Variants in DDX60 observed in about 807,000 individuals in gnomAD.
DDX60 encodes the protein probable ATP-dependent RNA helicase DDX60.
Under a neutral mutation model 212.8 loss-of-function variants are expected in DDX60, and 165 were observed. The observed-to-expected ratio is 0.78, with a 90% CI of 0.68 to 0.88. The LOEUF is 0.88. Among genes scored for constraint, DDX60 ranks in the 40% least tolerant of loss-of-function variants. The pLI is 0.00. For missense variants in DDX60, 1,905 were observed against 2,003.9 expected, an observed-to-expected ratio of 0.95 and a Z score of 0.94; for synonymous variants, 703 against 685.3, an observed-to-expected ratio of 1.03 and a Z score of -0.40.
At chr4:168,247,616 T>A (rs1049169518) in intron 29 of DDX60, among the ~76,000 whole-genome samples, 1 of 152,114 alleles carries the variant, frequency 6.6e-6, no homozygotes, top group South Asian at 2.1e-4. Context: ...CTGCAGGACG[T>A]GGTAGAATAA....
chr4:168,230,947 A>AT (rs1733429377), intron 33 of DDX60, among the ~76,000 whole-genome samples: 1 of 152,052 alleles, frequency 6.6e-6, no homozygotes, highest in Non-Finnish European at 1.5e-5. Flanking sequence ...TAAATAGACC[A>AT]TTAGTGAGAT....
At chr4:168,234,243 T>G (rs1368727771) in intron 33 of DDX60, among the ~76,000 whole-genome samples, 5 of 152,122 alleles carry the variant, frequency 3.3e-5, no homozygotes, top group African/African-American at 1.2e-4. Context: ...TGGTGTGTTA[T>G]CTTTAATCAG....
At position 168,255,816 on chromosome 4, in the gene DDX60, T is replaced by C. The variant is rs1734385688; in HGVS notation, c.3452A>G (p.Lys1151Arg). 6.2e-7 allele frequency: 1 copy of C among 1,608,256 alleles called. No homozygotes were observed. Among genetic ancestry groups the C allele is most frequent in the East Asian group, 2.2e-5 (1 of 44,708 alleles). ...NAAESVSTFL[K>R]KKQETKRPPK... ...AGGCCTTTTTGTCTCCTGCTTTTTC[T>C]TTAGGAAAGTGCTCACACTTTCAGC... is the stretch of plus-strand genomic sequence containing the variant. The change falls in exon 26 of 38, where the codon AAG becomes AGG. Residue 1151 changes from lysine to arginine, a missense_variant. By Grantham distance (26) the Lys-to-Arg change is conservative (BLOSUM62 2). Coordinates refer to ENST00000393743, the MANE Select transcript of DDX60 (RefSeq NM_017631.6).
intron 32 of DDX60, among the ~76,000 whole-genome samples, chr4:168,237,081 T>C (rs1237684458): frequency 6.6e-6 from 1 of 151,816 alleles, no homozygotes; most frequent in East Asian, 1.9e-4. Flanking sequence ...GGTGTTGACA[T>C]TGTAAATACA....
chr4:168,320,490 C>G (rs1737579425), upstream of DDX60, among the ~76,000 whole-genome samples: 1 of 152,028 alleles, frequency 6.6e-6, no homozygotes, highest in Non-Finnish European at 1.5e-5. Context: ...CTCCAGAAAT[C>G]AGCCCTGATA....
Position 168,216,982 on chromosome 4 carries a change from G to T in DDX60, c.5090C>A (p.Ala1697Asp), listed in dbSNP as rs1011891389. 6.2e-7 allele frequency: 1 copy of T among 1,605,910 alleles called. No individual in the cohort carries two copies. Among genetic ancestry groups the T allele is most frequent in the African/African-American group, 1.3e-5 (1 of 74,390 alleles). Reference sequence around the variant, plus strand: ...AAAAGTTGTACTCAGTTGTTCAAAGGCTAAGACAACGTTGTCGTCTTCATT... The same window carrying T: ...AAAAGTTGTACTCAGTTGTTCAAAGTCTAAGACAACGTTGTCGTCTTCATT... ...CENEDDNVVL[A>D]FEQLSTTFWE... Residue 1697 changes from alanine (A) to aspartate (D), a missense_variant, in exon 38 of 38, where the codon GCC (alanine) becomes GAC (aspartate). Transcript: ENST00000393743.
In DDX60 at chr4:168,283,596, T is replaced by A; in HGVS notation, c.1572A>T (p.Arg524Ser). 1 of 1,592,530 alleles carries A rather than the reference T, an allele frequency of 6.3e-7. No homozygotes were observed. Among genetic ancestry groups the A allele is most frequent in the Non-Finnish European group, 8.5e-7 (1 of 1,171,688 alleles). The change falls in exon 13 of 38, where the codon AGA becomes AGT. Residue 524 changes from arginine (R) to serine (S), a missense_variant. Transcript: ENST00000393743. ...RSRCQFDEKS[R>S]DPRVLRSVQK... Reference sequence around the variant, plus strand: ...GCACAGATCTAAGAACACGAGGGTCTCTAGATTTTTCTGAAAAAGAAAAGA... The same window carrying A: ...GCACAGATCTAAGAACACGAGGGTCACTAGATTTTTCTGAAAAAGAAAAGA...
chr4:168,285,542 G>A lies in DDX60; in HGVS notation c.1340-44C>T, dbSNP rs772055590. ...AAATTGAGACAAGGTCAAATGTAAAGCTTTCAGACAGGAATATTACATATT... is the reference window on the plus strand; with the variant it reads ...AAATTGAGACAAGGTCAAATGTAAAACTTTCAGACAGGAATATTACATATT... On this transcript the variant is annotated intron_variant, in intron 10 of 37. Transcript: ENST00000393743. 6 of 1,192,854 alleles carry A rather than the reference G, an allele frequency of 5.0e-6. No homozygotes were observed. In the Admixed American group the frequency reaches 1.1e-4, roughly 21 times the overall value. 73.9% of individuals were successfully genotyped at this position (1,192,854 alleles called of 1,614,324 possible). A position where few individuals can be genotyped will look rare whatever the true frequency, so the allele number is the denominator to read the frequency against.
chr4:168,308,586 T>C (rs1736994005), intron 3 of DDX60, among the ~76,000 whole-genome samples: 3 of 151,604 alleles, frequency 2.0e-5, no homozygotes, highest in Admixed American at 1.3e-4. Flanking sequence ...TTCCATTCAC[T>C]GTCATATAGC....
intron 30 of DDX60, among the ~76,000 whole-genome samples, chr4:168,239,375 A>AAGAC (rs146760063): frequency 2.7e-5 from 4 of 148,890 alleles, no homozygotes; most frequent in African/African-American, 9.9e-5. Context: ...TGATAGAAGG[A>AAGAC]AGATAGATAG....
Position 168,262,057 on chromosome 4 carries a change from A to G in DDX60, c.3216T>C (p.Tyr1072=). The part of the protein sequence containing the change: ...LVIKKMDARK[Y]EESLKAELTS... ...TTAATTCTGCCTTTAGACTCTCTTC[A>G]TATTTCCTAGCATCCATCTTTTTAA... The change falls in exon 24 of 38, where the codon TAT becomes TAC. Residue 1072 remains tyrosine (Y), a synonymous_variant. Transcript: ENST00000393743. 1 of 1,604,102 alleles carries G rather than the reference A, an allele frequency of 6.2e-7. No individual in the cohort carries two copies. Among genetic ancestry groups the G allele is most frequent in the Non-Finnish European group, 8.5e-7 (1 of 1,176,826 alleles).
intron 30 of DDX60, among the ~76,000 whole-genome samples, chr4:168,244,841 C>G (rs1013481): frequency 0.058 from 8,860 of 152,004 alleles, 446 homozygotes; most frequent in East Asian, 0.15. Flanking sequence ...CACTTAAGAC[C>G]ATCAGTGATA....
At chr4:168,296,872 ATC>A (rs1736365491) in intron 6 of DDX60, among the ~76,000 whole-genome samples, 1 of 128,974 alleles carries the variant, frequency 7.8e-6, no homozygotes, top group Non-Finnish European at 1.6e-5. Context: ...ACAAAAAGTG[ATC>A]TTTTTTTTTT....
rs1231094678 is a variant in DDX60 at position 168,237,409 on chromosome 4, C to T, written c.4288G>A (p.Gly1430Ser). The T allele has an allele frequency of 1.3e-6, 2 of 1,577,226 alleles. No homozygotes were observed. The highest frequency in any genetic ancestry group is 2.3e-5 in the East Asian group (1 of 43,436). The change falls in exon 32 of 38, where the codon GGT becomes AGT. Residue 1430 changes from glycine (G) to serine (S), a missense_variant. Physicochemically the swap from Gly to Ser is moderately conservative, Grantham distance 56. Transcript: ENST00000393743. The stretch of plus-strand genomic sequence containing the variant: ...AGTCCAGCAAACCCCATAGGATTAC[C>T]TTCTTGATCTAAATAGCCCTAAAGA... Reference protein sequence around the residue: ...LVKEGYLDQEGNPMGFAGLVS... With the variant: ...LVKEGYLDQESNPMGFAGLVS...
chr4:168,224,442 C>A, intron 34 of DDX60, 57 bp from the exon 35 acceptor site: 1 of 1,544,130 alleles, frequency 6.5e-7, no homozygotes, highest in Non-Finnish European at 8.9e-7. Context: ...ATTGTCAAAC[C>A]TCAGATACTT....
intron 3 of DDX60, among the ~76,000 whole-genome samples, chr4:168,308,509 A>G (rs76911006): frequency 0.039 from 5,949 of 152,068 alleles, 161 homozygotes; most frequent in Non-Finnish European, 0.059. Context: ...TTTATGCTTA[A>G]TCAACCTCAG....
chr4:168,288,655 CTTTATTTAGATTTTAA>C (rs1284891940), intron 8 of DDX60, among the ~76,000 whole-genome samples: 2 of 152,102 alleles, frequency 1.3e-5, no homozygotes, highest in Admixed American at 1.3e-4. Context: ...TGCCTCTGTT[CTTTATTTAGATTTTAA>C]TATGTTCAGA....
At chr4:168,280,642 T>C (rs1218633154) in intron 13 of DDX60, 52 bp from the exon 14 acceptor site, 1 of 1,543,472 alleles carries the variant, frequency 6.5e-7, no homozygotes, top group South Asian at 1.3e-5. Context: ...TATTCCAAGA[T>C]AACAGGTCAT....
At position 168,262,446 on chromosome 4, in the gene DDX60, A is replaced by G. The variant is rs1734659732; in HGVS notation, c.3144+237T>C. 2.6e-5 allele frequency among the ~76,000 whole-genome samples: 4 copies of G among 151,398 alleles called. No homozygotes were observed. In the Admixed American group the frequency reaches 2.7e-4, roughly 10 times the overall value. ...ATAATAGTGTTCTAGAAGTTGCAGA[A>G]GTTGAAAAGATTTCAAAAAAAAAAA... On this transcript the variant is annotated intron_variant, in intron 23 of 37. Transcript: ENST00000393743.
Sources: gnomAD v4.1 joint callset for allele counts (sites outside exome capture counted in the v4.1 genomes callset) on GRCh38, gnomAD v4.1.1 for gene constraint, MANE v1.5 for transcripts, NCBI Gene and HGNC (gene_info 2026-07-23, HGNC 2026-07-21) for gene names.